The following MMP26 variants were observed in gnomAD, a reference collection of about 807,000 sequenced individuals.
MMP26 encodes the protein matrix metallopeptidase 26, also known as matrix metalloproteinase-26.
Under a neutral mutation model 31.0 loss-of-function variants are expected in MMP26, and 33 were observed. The observed-to-expected ratio is 1.06, with a 90% CI of 0.81 to 1.42. The LOEUF (loss-of-function observed/expected upper bound fraction) is 1.42. MMP26 is among the 40% of genes most tolerant of loss of function. The probability of loss-of-function intolerance (pLI) is 0.00; values close to 1 mark genes in which losing one functional copy is unlikely to be tolerated. For synonymous variants in MMP26, 122 were observed against 114.9 expected, an observed-to-expected ratio of 1.06 and a Z score of -0.40; for missense variants, 347 against 316.1, an observed-to-expected ratio of 1.10 and a Z score of -0.74.
In MMP26 at chr11:4,992,213, G is replaced by A. The variant is rs768945967; in HGVS notation, c.758-1G>A. 31 of 1,607,320 alleles carry A rather than the reference G, an allele frequency of 1.9e-5. 1 individual carries two copies. The South Asian group carries it at 3.4e-4, about 18-fold the overall frequency. On this transcript the variant is annotated splice_acceptor_variant, in intron 7 of 7. Coordinates refer to ENST00000380390, the MANE Select transcript of MMP26 (RefSeq NM_021801.5). LOFTEE classifies it high-confidence loss of function. The stretch of plus-strand genomic sequence containing the variant: ...GTTGTTTTTTTTTTCTGTTTCCATA[G>A]GAGAAAAATGTTCATCTGACATACC...
intron 2 of MMP26, among the ~76,000 whole-genome samples, chr11:4,959,622 T>G (rs1239146630): frequency 6.6e-6 from 1 of 152,192 alleles, no homozygotes; most frequent in Non-Finnish European, 1.5e-5. Context: ...CTTCAGAAGA[T>G]GATCTGAAGT....
intron 2 of MMP26, among the ~76,000 whole-genome samples, chr11:4,802,881 C>T (rs1849202357): frequency 6.6e-6 from 1 of 152,066 alleles, no homozygotes; most frequent in Admixed American, 6.5e-5. Flanking sequence ...TTAAATGGCA[C>T]CTGATATTCA....
intron 2 of MMP26, among the ~76,000 whole-genome samples, chr11:4,784,843 A>T (rs71480720): frequency 0.095 from 14,441 of 152,254 alleles, 857 homozygotes; most frequent in Middle Eastern, 0.15. Flanking sequence ...AATTGTACAT[A>T]TTTACTGAGT....
At chr11:4,783,154 C>T (rs7942331) in intron 2 of MMP26, among the ~76,000 whole-genome samples, 4,201 of 152,260 alleles carry the variant, frequency 0.028, 214 homozygotes, top group African/African-American at 0.097. Flanking sequence ...TAGCTTGCAC[C>T]GTGCTCCTGG....
Position 4,907,355 on chromosome 11 carries a change from C to T in MMP26, c.-144-80713C>T, listed in dbSNP as rs866366688. 3.2e-6 allele frequency: 5 copies of T among 1,546,926 alleles called. No individual in the cohort carries two copies. The Admixed American group carries it at 5.1e-5, about 16-fold the overall frequency. On this transcript the variant is annotated intron_variant, in intron 2 of 7. Transcript: ENST00000380390. Reference sequence around the variant, plus strand: ...TGGTTTCAGATCCGGCTAACGAGCTCATATCTCCCTCATTATGTCTGTTCT... The same window carrying T: ...TGGTTTCAGATCCGGCTAACGAGCTTATATCTCCCTCATTATGTCTGTTCT...
chr11:4,980,957 AGT>A (rs1846804876), intron 2 of MMP26, among the ~76,000 whole-genome samples: 1 of 152,092 alleles, frequency 6.6e-6, no homozygotes, highest in Non-Finnish European at 1.5e-5. Flanking sequence ...AGGGGCTTTC[AGT>A]TAAGGTGAAT....
At chr11:4,709,483 G>T in intron 1 of MMP26, 1 of 365,176 alleles carries the variant, frequency 2.7e-6, no homozygotes, top group Non-Finnish European at 5.4e-6. Context: ...ATTGTATGGT[G>T]TATAGAAGAA....
rs146614146 is a variant in MMP26 at position 4,899,969 on chromosome 11, C to A, written c.-144-88099C>A. 9.0e-3 allele frequency among the ~76,000 whole-genome samples: 1,362 copies of A among 152,138 alleles called. 26 individuals carry two copies. Among genetic ancestry groups the A allele is most frequent in the African/African-American group, 0.031 (1,273 of 41,502 alleles). ...CTCTTAATTTCAGCTCTTTTGTTCC[C>A]AAATATATTTATTCTAATCATTGCA... On this transcript the variant is annotated intron_variant, in intron 2 of 7. Coordinates refer to ENST00000380390, the MANE Select transcript of MMP26 (RefSeq NM_021801.5).
chr11:4,931,464 G>A (rs1257941255), intron 2 of MMP26, among the ~76,000 whole-genome samples: 1 of 151,808 alleles, frequency 6.6e-6, no homozygotes, highest in Non-Finnish European at 1.5e-5. Context: ...GACAAAACAC[G>A]CAAACATATA....
chr11:4,900,140 G>A (rs749184752), intron 2 of MMP26, among the ~76,000 whole-genome samples: 2 of 152,162 alleles, frequency 1.3e-5, no homozygotes, highest in Non-Finnish European at 2.9e-5. Context: ...TTTGAGTGGT[G>A]TAGCCCATGA....
chr11:4,836,119 A>G (rs1849716054), intron 2 of MMP26, among the ~76,000 whole-genome samples: 1 of 152,136 alleles, frequency 6.6e-6, no homozygotes, highest in Non-Finnish European at 1.5e-5. Flanking sequence ...ATCTATAAAT[A>G]TAATTTAACA....
intron 1 of MMP26, among the ~76,000 whole-genome samples, chr11:4,738,717 T>C (rs11033626): frequency 0.017 from 2,593 of 152,296 alleles, 30 homozygotes; most frequent in East Asian, 0.06. Context: ...TCAGTATTCA[T>C]CTCTTCATTT....
chr11:4,751,162 G>A (rs772310466), intron 1 of MMP26, among the ~76,000 whole-genome samples: 1 of 152,070 alleles, frequency 6.6e-6, no homozygotes, highest in Non-Finnish European at 1.5e-5. Flanking sequence ...TAGATTATTC[G>A]ATAGGTTTTT....
intron 2 of MMP26, chr11:4,822,399 A>C: frequency 6.9e-7 from 1 of 1,441,206 alleles, no homozygotes; most frequent in South Asian, 1.8e-5. Context: ...TTAGAGATAA[A>C]GCCATTTATG....
At chr11:4,814,389 A>T (rs1174406267) in intron 2 of MMP26, among the ~76,000 whole-genome samples, 5 of 152,222 alleles carry the variant, frequency 3.3e-5, no homozygotes, top group Admixed American at 6.5e-5. Flanking sequence ...TCACTTAAGC[A>T]ATAGAATACT....
At chr11:4,897,492 A>G (rs887330053) in intron 2 of MMP26, among the ~76,000 whole-genome samples, 5 of 152,196 alleles carry the variant, frequency 3.3e-5, no homozygotes, top group Non-Finnish European at 5.9e-5. Flanking sequence ...TCATACTATT[A>G]TATCAAAACA....
chr11:4,923,843 T>C (rs1851224150), intron 2 of MMP26: 2 of 1,613,682 alleles, frequency 1.2e-6, no homozygotes, highest in Non-Finnish European at 8.5e-7. Flanking sequence ...TTGGAAGCGC[T>C]TCAGGAGGAA....
intron 2 of MMP26, among the ~76,000 whole-genome samples, chr11:4,951,040 T>G (rs1846367287): frequency 8.0e-6 from 1 of 124,234 alleles, no homozygotes; most frequent in African/African-American, 2.7e-5. Flanking sequence ...AGTTAGTTCC[T>G]GTTTCAAGCA....
At chr11:4,903,258 T>C (rs1272454375) in intron 2 of MMP26, among the ~76,000 whole-genome samples, 1 of 152,108 alleles carries the variant, frequency 6.6e-6, no homozygotes, top group Non-Finnish European at 1.5e-5. Context: ...TTTAAAAATC[T>C]AACAGAGTAC....
Sources: allele counts gnomAD v4.1 joint callset (sites outside exome capture counted in the v4.1 genomes callset), GRCh38; gene constraint gnomAD v4.1.1; transcripts MANE v1.5; gene names NCBI Gene and HGNC (gene_info 2026-07-23, HGNC 2026-07-21).